Variants in CHD4 observed in about 807,000 individuals in gnomAD.
CHD4 encodes the protein ATP-dependent chromatin remodeler CHD4.
Under a neutral mutation model 235.5 loss-of-function variants are expected in CHD4, and 35 were observed. The ratio of observed to expected loss-of-function variants is 0.15; its 90% CI spans 0.11 to 0.20. The LOEUF (loss-of-function observed/expected upper bound fraction) is 0.20. CHD4 is among the 10% of genes least tolerant of loss of function. The probability of loss-of-function intolerance (pLI) is 1.00; values close to 1 mark genes in which losing one functional copy is unlikely to be tolerated. For missense variants in CHD4, 1,329 were observed against 2,432.3 expected (o/e 0.55, Z 9.54); for synonymous variants, 900 against 850.2 (o/e 1.06, Z -1.02).
At chr12:6,589,524 T>C (rs1402982214) in intron 22 of CHD4, among the ~76,000 whole-genome samples, 2 of 151,868 alleles carry the variant, frequency 1.3e-5, no homozygotes, top group African/African-American at 4.8e-5. Flanking sequence ...ATCCCAGCAC[T>C]TTGGGAAGCT....
Position 6,598,358 on chromosome 12 carries a change from G to A in CHD4, c.1550C>T (p.Thr517Ile), listed in dbSNP as rs1277837082. 2 of 1,613,906 alleles carry A rather than the reference G, an allele frequency of 1.2e-6. No individual in the cohort carries two copies. The highest frequency in any genetic ancestry group is 2.7e-5 in the African/African-American group (2 of 74,914). Residue 517 changes from threonine (T) to isoleucine (I), a missense_variant, in exon 11 of 40, where the codon ACA becomes ATA. By Grantham distance (89) the Thr-to-Ile change is moderately conservative. Transcript: ENST00000544040. The stretch of plus-strand genomic sequence containing the variant: ...AGCATCTGGAGGCCGAGGCACTGGT[G>A]TGGGAGATGGTGGCTGACCCCACTT... ...IWKWGQPPSP[T>I]PVPRPPDADP...
Position 6,601,902 on chromosome 12 carries a change from T to TA in CHD4, c.438+57dup, listed in dbSNP as rs1161724874. ...GTGTTCTAAAGGGCAGTAAGGTGTCTAGGAAACAAAAAGACAAAAGTTTAA... is the reference window on the plus strand; with the variant it reads ...GTGTTCTAAAGGGCAGTAAGGTGTCTAAGGAAACAAAAAGACAAAAGTTTAA... On this transcript the variant is annotated intron_variant, in intron 4 of 39. Transcript: ENST00000544040. The TA allele has an allele frequency of 1.9e-6, 3 of 1,591,700 alleles. No homozygotes were observed. The African/African-American group carries it at 4.0e-5, about 21-fold the overall frequency.
Position 6,593,693 on chromosome 12 carries a change from G to GC in CHD4, c.2314-78dup. 7.6e-7 allele frequency: 1 copy of GC among 1,323,352 alleles called. No individual in the cohort carries two copies. Among genetic ancestry groups the GC allele is most frequent in the Non-Finnish European group, 1.1e-6 (1 of 940,778 alleles). The allele number at this position is 1,323,352 out of a possible 1,614,324, so 82.0% of individuals were successfully genotyped here. ...CCCAGCGAACACCCACCACCCTGCT[G>GC]CCCCCTCAAGCTGAGCCAAGGACTG... On this transcript the variant is annotated intron_variant, in intron 15 of 39. Coordinates refer to ENST00000544040, the MANE Select transcript of CHD4 (RefSeq NM_001273.5). The surrounding 1 kb of genome is among the most constrained non-coding windows in gnomAD (Gnocchi z 4.9).
chr12:6,601,713 G>A lies in CHD4; in HGVS notation c.492C>T (p.Asp164=), dbSNP rs1475786048. 1.2e-6 allele frequency: 2 copies of A among 1,614,144 alleles called. No individual in the cohort carries two copies. Among genetic ancestry groups the A allele is most frequent in the African/African-American group, 2.7e-5 (2 of 75,028 alleles). ...GATAATCCTCCTCTGAGAACACGTG[G>A]TCAATGTCTTCCATGCCCCAGTCTT... is the stretch of plus-strand genomic sequence containing the variant. The part of the protein sequence containing the change: ...LLEDWGMEDI[D]HVFSEEDYRT... The change falls in exon 5 of 40, where the codon GAC becomes GAT. Residue 164 remains aspartate (D), a synonymous_variant. Transcript: ENST00000544040.
intron 33 of CHD4, chr12:6,580,734 C>T (rs561901404): frequency 1.2e-4 from 25 of 209,604 alleles, no homozygotes; most frequent in African/African-American, 8.8e-4. Flanking sequence ...AAAAGCCAGG[C>T]ACAGTGGCTC....
intron 15 of CHD4, 148 bp downstream of exon 15, chr12:6,594,311 C>T: frequency 3.1e-6 from 2 of 641,582 alleles, no homozygotes; most frequent in Non-Finnish European, 5.4e-6. Context: ...CTACTAAACA[C>T]ATGTGTACAT....
At chr12:6,572,731 T>C (rs541602188) in intron 38 of CHD4, among the ~76,000 whole-genome samples, 6 of 152,294 alleles carry the variant, frequency 3.9e-5, no homozygotes, top group Admixed American at 3.9e-4. Flanking sequence ...CCAGCTAATT[T>C]TTCTATTTTT....
At chr12:6,573,810 G>A (rs1333435002) in intron 37 of CHD4, among the ~76,000 whole-genome samples, 5 of 152,072 alleles carry the variant, frequency 3.3e-5, no homozygotes, top group African/African-American at 9.7e-5. Context: ...GATTACTTGA[G>A]GTCAGGAGTT....
chr12:6,606,125 C>T, intron 2 of CHD4, 149 bp downstream of exon 2: 1 of 571,142 alleles, frequency 1.8e-6, no homozygotes, highest in Non-Finnish European at 3.1e-6. Flanking sequence ...ACCAGAGCTC[C>T]GCAGAAGGGA....
At chr12:6,573,390 A>G in intron 37 of CHD4, 121 bp from the exon 38 acceptor site, 1 of 768,674 alleles carries the variant, frequency 1.3e-6, no homozygotes, top group Non-Finnish European at 1.9e-6. Context: ...GAAGAACTTC[A>G]TGGACAGCTC....
At chr12:6,602,278 A>G (rs1007299738) in intron 3 of CHD4, 98 bp downstream of exon 3, 6 of 1,595,562 alleles carry the variant, frequency 3.8e-6, no homozygotes, top group Non-Finnish European at 4.3e-6. Flanking sequence ...ATGGCCCACC[A>G]CTTCTGAGAA....
intron 2 of CHD4, among the ~76,000 whole-genome samples, chr12:6,604,770 G>GC (rs1948661398): frequency 1.3e-5 from 2 of 152,160 alleles, no homozygotes; most frequent in South Asian, 4.1e-4. Context: ...ATGGGGTGTG[G>GC]CAAGTGGAAA....
intron 33 of CHD4, among the ~76,000 whole-genome samples, chr12:6,580,071 A>G (rs1228603764): frequency 6.6e-6 from 1 of 151,154 alleles, no homozygotes; most frequent in Non-Finnish European, 1.5e-5. Context: ...AAAAAAAAAA[A>G]AAAAAATTAC....
chr12:6,594,148 C>T (rs1948445752), intron 15 of CHD4, among the ~76,000 whole-genome samples: 1 of 152,088 alleles, frequency 6.6e-6, no homozygotes, highest in South Asian at 2.1e-4. Context: ...CCTTTCCATA[C>T]TAATTCTACT....
intron 10 of CHD4, among the ~76,000 whole-genome samples, chr12:6,599,338 G>A (rs1331785481): frequency 2.6e-5 from 4 of 151,948 alleles, no homozygotes; most frequent in Non-Finnish European, 4.4e-5. Context: ...TCAGCAAGAG[G>A]TTGAGATAGG....
chr12:6,581,453 TC>T (rs1464050339), intron 31 of CHD4, 65 bp from the exon 32 acceptor site: 1 of 1,558,834 alleles, frequency 6.4e-7, no homozygotes, highest in Non-Finnish European at 8.9e-7. Context: ...GGTCATTTCT[TC>T]CCAGTTTGTC....
chr12:6,570,624 G>A lies in CHD4; in HGVS notation c.*52C>T. ...CCCCAGGGGAGAAGCTGGGACAAGA[G>A]AAAGTGAGGAAGGTCACTGCTCAGC... On this transcript the variant is annotated 3_prime_UTR_variant, in exon 40 of 40. Coordinates refer to ENST00000544040, the MANE Select transcript of CHD4 (RefSeq NM_001273.5). 11 of 1,612,562 alleles carry A rather than the reference G, an allele frequency of 6.8e-6. No individual in the cohort carries two copies. The highest frequency in any genetic ancestry group is 8.5e-6 in the Non-Finnish European group (10 of 1,178,660).
rs763010037 is a variant in CHD4 at position 6,601,446 on chromosome 12, G to C, written c.642C>G (p.Thr214=). The stretch of plus-strand genomic sequence containing the variant: ...CAGAACTGCCTTTGAAGGGGTTATT[G>C]GTACTGAACTCCCGCCATTTTGCAC... The part of the protein sequence containing the change: ...VLGAKWREFS[T]NNPFKGSSGA... Residue 214 remains threonine, a synonymous_variant, in exon 6 of 40, where the codon ACC becomes ACG. Transcript: ENST00000544040. The C allele has an allele frequency of 1.8e-5, 29 of 1,614,010 alleles. No individual in the cohort carries two copies. The highest frequency in any genetic ancestry group is 4.2e-6 in the Non-Finnish European group (5 of 1,180,038).
intron 4 of CHD4, 21 bp downstream of exon 4, chr12:6,601,939 A>G: frequency 6.2e-7 from 1 of 1,606,550 alleles, no homozygotes; most frequent in Non-Finnish European, 8.5e-7. Context: ...AGTACAAAGA[A>G]GAGGATGGAG....
Sources: gnomAD v4.1 joint callset for allele counts (sites outside exome capture counted in the v4.1 genomes callset) on GRCh38, gnomAD v4.1.1 for gene constraint, Gnocchi (gnomAD v3.1) non-coding constraint, MANE v1.5 for transcripts, NCBI Gene and HGNC (gene_info 2026-07-23, HGNC 2026-07-21) for gene names.